The following HEATR4 variants were observed in gnomAD, a reference collection of about 807,000 sequenced individuals.
The protein encoded by HEATR4 is HEAT repeat containing 4.
Under a neutral mutation model 108.8 loss-of-function variants are expected in HEATR4, and 95 were observed. The ratio of observed to expected loss-of-function variants is 0.87; its 90% CI spans 0.74 to 1.04. HEATR4 has a LOEUF of 1.04. Ranked by LOEUF, HEATR4 falls within the 50% of genes least tolerant of loss-of-function variation. The pLI is 0.00. For missense variants in HEATR4, 1,152 were observed against 1,253.8 expected (o/e 0.92, Z 1.23); for synonymous variants, 443 against 459.4 (o/e 0.96, Z 0.46).
chr14:73,591,699 G>T, the HEATR4 span: 1 of 384,380 alleles, frequency 2.6e-6, no homozygotes, highest in Non-Finnish European at 4.6e-6. Flanking sequence ...GCTTTCTACG[G>T]GGTGGGTTGG....
chr14:73,585,582 G>T, the HEATR4 span, among the ~76,000 whole-genome samples: 1 of 151,966 alleles, frequency 6.6e-6, no homozygotes, highest in Non-Finnish European at 1.5e-5. Flanking sequence ...CCAGCTACGG[G>T]GGAGGCTGAG....
chr14:73,592,553 C>T, the HEATR4 span: 1 of 1,113,500 alleles, frequency 9.0e-7, no homozygotes, highest in Non-Finnish European at 1.2e-6. Context: ...GGCCACTCTA[C>T]CAAAATAGAG....
intron 1 of HEATR4, among the ~76,000 whole-genome samples, chr14:73,534,365 C>G (rs1888796847): frequency 1.0e-5 from 1 of 99,546 alleles, no homozygotes; most frequent in Non-Finnish European, 2.1e-5. Flanking sequence ...GGCGACAGAG[C>G]AAGACTCTGT....
At position 73,492,575 on chromosome 14, in the gene HEATR4, G is replaced by A; in HGVS notation, c.2844+491C>T. On this transcript the variant is annotated intron_variant, in intron 17 of 17. Coordinates refer to ENST00000553558, the MANE Select transcript of HEATR4 (RefSeq NM_001220484.1). This position sits in a 1 kb window ranked among gnomAD's most constrained non-coding sequence, Gnocchi z 4.9. The stretch of plus-strand genomic sequence containing the variant: ...CCCTGTTTTGACTGATAGGGAGAGG[G>A]CACTAAGTGTTTACGGGCTTCCAAT... 6.2e-7 allele frequency: 1 copy of A among 1,613,910 alleles called. No individual in the cohort carries two copies. Among genetic ancestry groups the A allele is most frequent in the Non-Finnish European group, 8.5e-7 (1 of 1,179,856 alleles).
chr14:73,619,577 C>G, the HEATR4 span: 87 of 1,614,076 alleles, frequency 5.4e-5, 1 homozygote, highest in Middle Eastern at 8.2e-4. Flanking sequence ...GAATTCTATG[C>G]TCAGATAGCC....
the HEATR4 span, among the ~76,000 whole-genome samples, chr14:73,601,969 CTA>C: frequency 2.0e-5 from 3 of 150,348 alleles, no homozygotes; most frequent in Non-Finnish European, 2.9e-5. Flanking sequence ...GAGACGGAGT[CTA>C]AATCTGTTGC....
the HEATR4 span, among the ~76,000 whole-genome samples, chr14:73,609,644 T>C: frequency 1.3e-5 from 2 of 152,250 alleles, no homozygotes; most frequent in Non-Finnish European, 2.9e-5. Context: ...ATTTATTTTA[T>C]TTTATTTTAT....
At position 73,500,650 on chromosome 14, in the gene HEATR4, T is replaced by G. The variant is rs371493329; in HGVS notation, c.2186A>C (p.Lys729Thr). 9.9e-6 allele frequency: 16 copies of G among 1,614,192 alleles called. No homozygotes were observed. The highest frequency in any genetic ancestry group is 1.3e-5 in the Non-Finnish European group (15 of 1,180,040). The change falls in exon 12 of 18, where the codon AAG becomes ACG. Residue 729 changes from lysine (K) to threonine (T), a missense_variant. Physicochemically the swap from Lys to Thr is moderately conservative, Grantham distance 78 (BLOSUM62 -1). Coordinates refer to ENST00000553558, the MANE Select transcript of HEATR4 (RefSeq NM_001220484.1). ...LIGELKLMTA[K>T]LLPSFLHCFS... is the part of the protein sequence containing the mutation. The stretch of plus-strand genomic sequence containing the variant: ...GCAGTGCAGGAAGCTTGGGAGAAGC[T>G]TGGCGGTCATAAGCTTGAGCTCACC...
intron 10 of HEATR4, among the ~76,000 whole-genome samples, chr14:73,504,103 G>A (rs1038305263): frequency 6.9e-6 from 1 of 144,596 alleles, no homozygotes; most frequent in African/African-American, 2.6e-5. Context: ...TTGAGACGGA[G>A]TTTCACTCTT....
At chr14:73,572,155 G>C in the HEATR4 span, among the ~76,000 whole-genome samples, 1 of 65,202 alleles carries the variant, frequency 1.5e-5, no homozygotes, top group African/African-American at 9.4e-5. Flanking sequence ...TGCACCAGGA[G>C]GCATATTCCT....
chr14:73,496,324 A>G (rs1338760037), intron 15 of HEATR4, among the ~76,000 whole-genome samples: 1 of 152,166 alleles, frequency 6.6e-6, no homozygotes, highest in Non-Finnish European at 1.5e-5. Context: ...TGGGGAGAAA[A>G]TAGGAAGGGA....
chr14:73,585,781 GA>G, the HEATR4 span, among the ~76,000 whole-genome samples: 49 of 141,114 alleles, frequency 3.5e-4, no homozygotes, highest in African/African-American at 1.1e-3. Flanking sequence ...GGAAGGGAAT[GA>G]AAAAAAAAAG....
chr14:73,485,728 T>G (rs1210915706), intron 17 of HEATR4, among the ~76,000 whole-genome samples: 1 of 152,026 alleles, frequency 6.6e-6, no homozygotes, highest in Non-Finnish European at 1.5e-5. Flanking sequence ...CAAAAATTAG[T>G]TGGGCATCGT....
chr14:73,607,974 A>G, the HEATR4 span, among the ~76,000 whole-genome samples: 1 of 141,026 alleles, frequency 7.1e-6, no homozygotes, highest in East Asian at 2.2e-4. Context: ...GCCCAGGCTG[A>G]AGTACAGTGG....
intron 3 of HEATR4, 123 bp from the exon 4 acceptor site, chr14:73,521,162 C>A: frequency 3.7e-6 from 3 of 804,500 alleles, no homozygotes; most frequent in Non-Finnish European, 6.0e-6. Context: ...GTGAGCATTG[C>A]AGAACACCAA....
At chr14:73,569,949 A>G in the HEATR4 span, 2 of 1,517,878 alleles carry the variant, frequency 1.3e-6, no homozygotes, top group South Asian at 2.6e-5. Context: ...CCCCCGCCCC[A>G]CGCTTTTCGC....
chr14:73,614,201 AAAC>A, the HEATR4 span, among the ~76,000 whole-genome samples: 14 of 151,890 alleles, frequency 9.2e-5, no homozygotes, highest in East Asian at 7.7e-4. Flanking sequence ...ACCCTGCCTC[AAAC>A]AACAACAACA....
At chr14:73,597,591 CTTTTTTTTTTTTT>C in the HEATR4 span, among the ~76,000 whole-genome samples, 1 of 98,206 alleles carries the variant, frequency 1.0e-5, no homozygotes, top group African/African-American at 3.8e-5. Context: ...TTTTTCTTTT[CTTTTTTTTTTTTT>C]TTTTTTTGAG....
At chr14:73,566,325 G>C in the HEATR4 span, among the ~76,000 whole-genome samples, 1 of 152,090 alleles carries the variant, frequency 6.6e-6, no homozygotes, top group Non-Finnish European at 1.5e-5. Context: ...GTCCCGCACC[G>C]TGAGCCCACA....
Sources: allele counts gnomAD v4.1 joint callset (sites outside exome capture counted in the v4.1 genomes callset), GRCh38; gene constraint gnomAD v4.1.1; non-coding constraint Gnocchi (gnomAD v3.1); transcripts MANE v1.5; gene names NCBI Gene and HGNC (gene_info 2026-07-23, HGNC 2026-07-21).